Variants in FARS2 observed in about 807,000 individuals in gnomAD.
The protein encoded by FARS2 is phenylalanine--tRNA ligase, mitochondrial.
A neutral mutation model predicts 46.4 loss-of-function variants in FARS2; 40 were observed. That is an observed-to-expected ratio of 0.86 (90% CI 0.67 to 1.12). The LOEUF (loss-of-function observed/expected upper bound fraction) is 1.12, where lower values mean the gene tolerates loss of function less well. Ranked by LOEUF, FARS2 falls within the 50% of genes most tolerant of loss-of-function variation. The probability of loss-of-function intolerance (pLI) is 0.00; values close to 1 mark genes in which losing one functional copy is unlikely to be tolerated. For missense variants in FARS2, 513 were observed against 567.9 expected (o/e 0.90, Z 0.98); for synonymous variants, 234 against 214.9 (o/e 1.09, Z -0.78).
intron 1 of FARS2, among the ~76,000 whole-genome samples, chr6:5,281,020 G>A (rs979328452): frequency 2.0e-5 from 3 of 152,100 alleles, no homozygotes; most frequent in Non-Finnish European, 2.9e-5. Context: ...TTTAGTTTGA[G>A]GGATGACACT....
At position 5,530,344 on chromosome 6, in the gene FARS2, T is replaced by C. The variant is rs1456728629; in HGVS notation, c.905-14836T>C. Among the ~76,000 whole-genome samples, 29 of 152,210 alleles carry C rather than the reference T, an allele frequency of 1.9e-4. 1 individual carries two copies. Among genetic ancestry groups the C allele is most frequent in the Admixed American group, 1.9e-3 (29 of 15,294 alleles). On this transcript the variant is annotated intron_variant, in intron 4 of 6. Coordinates refer to ENST00000274680, the MANE Select transcript of FARS2 (RefSeq NM_006567.5). ...AAGATAAAGGAAAGCTAGGGAATGGTCCTAGATTAATAAAGACTAAAGAGA... is the reference window on the plus strand; with the variant it reads ...AAGATAAAGGAAAGCTAGGGAATGGCCCTAGATTAATAAAGACTAAAGAGA...
At chr6:5,576,834 AT>A (rs201453393) in intron 5 of FARS2, among the ~76,000 whole-genome samples, 5 of 150,536 alleles carry the variant, frequency 3.3e-5, no homozygotes, top group Admixed American at 6.6e-5. Flanking sequence ...CCTTACTATC[AT>A]TTTTTTTTAA....
chr6:5,586,133 T>A (rs1425326276), intron 5 of FARS2, among the ~76,000 whole-genome samples: 1 of 152,100 alleles, frequency 6.6e-6, no homozygotes, highest in Non-Finnish European at 1.5e-5. Context: ...CTCTTTAGAG[T>A]TTTCTATATG....
chr6:5,558,543 G>A (rs9502316), intron 5 of FARS2, among the ~76,000 whole-genome samples: 33,816 of 151,586 alleles, frequency 0.22, 4,685 homozygotes, highest in East Asian at 0.34. Flanking sequence ...TTATTTATTT[G>A]TTTATTTTTT....
intron 6 of FARS2, among the ~76,000 whole-genome samples, chr6:5,667,532 A>AG (rs1486635755): frequency 1.2e-4 from 4 of 34,116 alleles, no homozygotes; most frequent in African/African-American, 3.4e-4. Flanking sequence ...AAAAAAAAAA[A>AG]AGATTATATT....
rs759285082 is a variant in FARS2 at position 5,318,397 on chromosome 6, A to AAAAAC, written c.-21-50149_-21-50148insCAAAA. Among the ~76,000 whole-genome samples the AAAAAC allele has an allele frequency of 8.1e-4, 117 of 145,184 alleles. 1 individual carries two copies. Among genetic ancestry groups the AAAAAC allele is most frequent in the Middle Eastern group, 3.5e-3 (1 of 284 alleles). On this transcript the variant is annotated intron_variant, in intron 1 of 6. Transcript: ENST00000274680. ...CAAGCAAAAAAAAACCAAAAAAAAA[A>AAAAAC]AAAAAAAAAACCCTACAAGATAATG...
intron 6 of FARS2, among the ~76,000 whole-genome samples, chr6:5,691,481 G>T (rs576923698): frequency 5.3e-5 from 8 of 152,322 alleles, no homozygotes; most frequent in Non-Finnish European, 1.0e-4. Context: ...CTGGGTATCA[G>T]CAGTGGAGGC....
upstream of FARS2, chr6:5,260,867 C>A (rs770045441): frequency 2.3e-5 from 34 of 1,460,158 alleles, no homozygotes; most frequent in Non-Finnish European, 3.0e-5. Context: ...GCGGGCCGGG[C>A]CTAAGCCTAA....
chr6:5,274,700 T>A (rs1164528659), intron 1 of FARS2, among the ~76,000 whole-genome samples: 2 of 152,178 alleles, frequency 1.3e-5, no homozygotes, highest in African/African-American at 4.8e-5. Context: ...TCTTTCTGTT[T>A]TATGCAGCTC....
At chr6:5,379,472 G>A (rs2127665328) in intron 2 of FARS2, among the ~76,000 whole-genome samples, 1 of 152,292 alleles carries the variant, frequency 6.6e-6, no homozygotes, top group African/African-American at 2.4e-5. Context: ...AAAGAGTCCA[G>A]AAGTATTATC....
chr6:5,690,959 C>G (rs1757662746), intron 6 of FARS2, among the ~76,000 whole-genome samples: 1 of 152,180 alleles, frequency 6.6e-6, no homozygotes, highest in South Asian at 2.1e-4. Context: ...GATCTTCCAT[C>G]ACTGATACCC....
chr6:5,476,967 G>A (rs1441909398), intron 4 of FARS2, among the ~76,000 whole-genome samples: 2 of 152,146 alleles, frequency 1.3e-5, no homozygotes, highest in African/African-American at 4.8e-5. Context: ...CTAGCTGGTA[G>A]TTGAGAATGT....
intron 4 of FARS2, among the ~76,000 whole-genome samples, chr6:5,449,204 C>A (rs895231062): frequency 6.6e-6 from 1 of 151,728 alleles, no homozygotes; most frequent in African/African-American, 2.4e-5. Flanking sequence ...CAAAAATTAG[C>A]TGGGTGTGTT....
In FARS2 at chr6:5,546,493, G is replaced by A. The variant is rs151149790; in HGVS notation, c.1065+1153G>A. On this transcript the variant is annotated intron_variant, in intron 5 of 6. Transcript: ENST00000274680. ...TCTCAAACTCCTGACCTTGTGATTC[G>A]CCCGCCTTGGCCTCCCGAAGTGCTG... 7.2e-3 allele frequency among the ~76,000 whole-genome samples: 1,081 copies of A among 150,702 alleles called. 9 individuals carry two copies. The highest frequency in any genetic ancestry group is 0.024 in the African/African-American group (1,002 of 41,040).
At chr6:5,754,122 A>T (rs1223404709) in intron 6 of FARS2, among the ~76,000 whole-genome samples, 1 of 152,244 alleles carries the variant, frequency 6.6e-6, no homozygotes, top group Non-Finnish European at 1.5e-5. Flanking sequence ...ATTTTGTTCC[A>T]GGCACTGTGT....
chr6:5,258,012 G>C (rs1764764297), upstream of FARS2, among the ~76,000 whole-genome samples: 1 of 152,190 alleles, frequency 6.6e-6, no homozygotes, highest in African/African-American at 2.4e-5. Flanking sequence ...TGACAATTGA[G>C]CTCAATCTTG....
chr6:5,504,086 G>C (rs1767966303), intron 4 of FARS2, among the ~76,000 whole-genome samples: 1 of 152,208 alleles, frequency 6.6e-6, no homozygotes, highest in Non-Finnish European at 1.5e-5. Flanking sequence ...CAAAAGCAGA[G>C]TAGGGAGTGA....
intron 1 of FARS2, among the ~76,000 whole-genome samples, chr6:5,305,330 A>G (rs893056172): frequency 9.9e-5 from 15 of 152,264 alleles, no homozygotes; most frequent in African/African-American, 3.4e-4. Flanking sequence ...ATGTACGTGT[A>G]TGGTAGTTTT....
intron 2 of FARS2, among the ~76,000 whole-genome samples, chr6:5,370,116 A>G (rs888629150): frequency 2.0e-5 from 3 of 152,228 alleles, no homozygotes; most frequent in Non-Finnish European, 2.9e-5. Context: ...TCTCCTGCCA[A>G]CGTAAGCTAA....
Sources: allele counts gnomAD v4.1 joint callset (sites outside exome capture counted in the v4.1 genomes callset), GRCh38; gene constraint gnomAD v4.1.1; transcripts MANE v1.5; gene names NCBI Gene and HGNC (gene_info 2026-07-23, HGNC 2026-07-21).